Variants in PIK3CA observed in about 807,000 individuals in gnomAD.
PIK3CA encodes phosphatidylinositol-4,5-bisphosphate 3-kinase catalytic subunit alpha.
PIK3CA carries 27 observed loss-of-function variants against 138.2 expected under a neutral mutation model. The ratio of observed to expected loss-of-function variants is 0.20; its 90% CI spans 0.14 to 0.27. PIK3CA has a LOEUF of 0.27. PIK3CA is among the 10% of genes least tolerant of loss of function. PIK3CA has a pLI of 1.00. For synonymous variants in PIK3CA, 358 were observed against 413.2 expected (o/e 0.87, Z 1.62); for missense variants, 544 against 1,277.4 (o/e 0.43, Z 8.75).
At chr3:179,150,557 A>G (rs1560119536) in intron 1 of PIK3CA, among the ~76,000 whole-genome samples, 1 of 152,210 alleles carries the variant, frequency 6.6e-6, no homozygotes, top group Non-Finnish European at 1.5e-5. Context: ...AAATACAAAT[A>G]TTGTACTTAA....
intron 6 of PIK3CA, 129 bp downstream of exon 6, chr3:179,204,717 T>C: frequency 2.0e-6 from 1 of 505,150 alleles, no homozygotes; most frequent in Non-Finnish European, 3.7e-6. Context: ...CAAAAAGTTT[T>C]TCTTAAAAAT....
At chr3:179,203,151 A>G (rs563747061) in intron 4 of PIK3CA, among the ~76,000 whole-genome samples, 58 of 151,902 alleles carry the variant, frequency 3.8e-4, no homozygotes, top group Middle Eastern at 3.4e-3. Context: ...CGTTTTAGCC[A>G]GGATGGTCTC....
intron 17 of PIK3CA, 86 bp downstream of exon 17, chr3:179,226,126 ATG>A: frequency 1.4e-6 from 1 of 705,436 alleles, no homozygotes; most frequent in Admixed American, 2.2e-5. Flanking sequence ...ATAGAGGCAT[ATG>A]TCTAAAAAGA....
At chr3:179,153,015 A>G (rs548638437) in intron 1 of PIK3CA, among the ~76,000 whole-genome samples, 2 of 152,296 alleles carry the variant, frequency 1.3e-5, no homozygotes, top group South Asian at 4.1e-4. Context: ...AAAAAAGGAA[A>G]CAAAATTAAG....
intron 8 of PIK3CA, 30 bp from the exon 9 acceptor site, chr3:179,210,401 A>G (rs1724678413): frequency 1.9e-6 from 3 of 1,606,850 alleles, no homozygotes; most frequent in East Asian, 2.2e-5. Context: ...TCTCTTATGT[A>G]TATATAATAG....
chr3:179,227,858 A>G (rs542981462), intron 17 of PIK3CA, among the ~76,000 whole-genome samples: 2 of 152,114 alleles, frequency 1.3e-5, no homozygotes, highest in South Asian at 2.1e-4. Flanking sequence ...TTAATTTTCT[A>G]TGTGAATAAA....
At chr3:179,189,220 A>G (rs1430619912) in intron 1 of PIK3CA, among the ~76,000 whole-genome samples, 3 of 152,154 alleles carry the variant, frequency 2.0e-5, no homozygotes, top group African/African-American at 7.2e-5. Flanking sequence ...TCTCAAAAAA[A>G]AAGTAAAAAT....
chr3:179,205,392 A>G (rs1724532783), intron 6 of PIK3CA, among the ~76,000 whole-genome samples: 2 of 152,320 alleles, frequency 1.3e-5, no homozygotes, highest in South Asian at 4.1e-4. Context: ...TATCAAAGAG[A>G]GAACAGAGTA....
intron 1 of PIK3CA, among the ~76,000 whole-genome samples, chr3:179,193,256 G>A (rs1382212440): frequency 3.3e-5 from 5 of 152,140 alleles, no homozygotes; most frequent in African/African-American, 9.7e-5. Context: ...TCTGATGATC[G>A]AGGCATCTGT....
intron 1 of PIK3CA, among the ~76,000 whole-genome samples, chr3:179,183,725 T>C (rs1723906500): frequency 6.6e-6 from 1 of 152,138 alleles, no homozygotes. Flanking sequence ...TAGGCTGAGG[T>C]TGTGATGTGG....
chr3:179,161,102 G>A (rs985872185), intron 1 of PIK3CA, among the ~76,000 whole-genome samples: 5 of 152,130 alleles, frequency 3.3e-5, no homozygotes, highest in African/African-American at 1.2e-4. Context: ...AGCAAGAATG[G>A]CACAGGAGGC....
intron 1 of PIK3CA, among the ~76,000 whole-genome samples, chr3:179,158,743 A>G (rs1357525361): frequency 1.3e-5 from 2 of 152,130 alleles, no homozygotes; most frequent in African/African-American, 4.8e-5. Context: ...AAGGAAAGCA[A>G]CCATGTGTTT....
At position 179,219,835 on chromosome 3, in the gene PIK3CA, T is replaced by C. The variant is rs1724925309; in HGVS notation, c.1911+100T>C. The stretch of plus-strand genomic sequence containing the variant: ...AAAAAACCTACTGCACTAACTAGTT[T>C]TATGCTTAAAAAAAAAAATTATTAC... On this transcript the variant is annotated intron_variant, in intron 12 of 20. Transcript: ENST00000263967. This position sits in a 1 kb window ranked among gnomAD's most constrained non-coding sequence, Gnocchi z 4.2. The C allele has an allele frequency of 3.3e-6, 5 of 1,497,934 alleles. No homozygotes were observed. The highest frequency in any genetic ancestry group is 4.5e-6 in the Non-Finnish European group (5 of 1,103,810). The allele number at this position is 1,497,934 out of a possible 1,614,324, so 92.8% of individuals were successfully genotyped here.
rs546649656 is a variant in PIK3CA, at chr3:179,150,842, A to G, written c.-77+2239A>G. ...GTTTACTTTGTGTGCCGCTTCTTAT[A>G]AGTACCCTTTACTGAATAAAGAGTT... On this transcript the variant is annotated intron_variant, in intron 1 of 20. Coordinates refer to ENST00000263967, the MANE Select transcript of PIK3CA (RefSeq NM_006218.4). 1.2e-4 allele frequency among the ~76,000 whole-genome samples: 19 copies of G among 152,374 alleles called. No individual in the cohort carries two copies. The South Asian group carries it at 3.9e-3, about 32-fold the overall frequency.
chr3:179,186,275 T>G (rs1438189477), intron 1 of PIK3CA, among the ~76,000 whole-genome samples: 2 of 152,254 alleles, frequency 1.3e-5, no homozygotes, highest in East Asian at 1.9e-4. Flanking sequence ...CTTAAACTCT[T>G]AATGAACTCA....
In PIK3CA at chr3:179,201,487, G is replaced by C. The variant is rs2108390009; in HGVS notation, c.760G>C (p.Val254Leu). The change falls in exon 4 of 21, where the codon GTG (valine) becomes CTG (leucine). Residue 254 changes from valine (V) to leucine (L), a missense_variant. Transcript: ENST00000263967. ...LEYQGKYILK[V>L]CGCDEYFLEK... The stretch of plus-strand genomic sequence containing the variant: ...ATATCAGGGCAAGTATATTTTAAAA[G>C]TGTGTGGATGTGATGAATACTTCCT... The C allele has an allele frequency of 6.2e-7, 1 of 1,610,700 alleles. No individual in the cohort carries two copies. Among genetic ancestry groups the C allele is most frequent in the Non-Finnish European group, 8.5e-7 (1 of 1,177,008 alleles).
chr3:179,154,615 A>AT (rs1723089368), intron 1 of PIK3CA, among the ~76,000 whole-genome samples: 1 of 152,152 alleles, frequency 6.6e-6, no homozygotes, highest in Admixed American at 6.5e-5. Context: ...ATTGTAACAC[A>AT]TTTTTGTGTC....
At chr3:179,178,627 C>T (rs1258852949) in intron 1 of PIK3CA, among the ~76,000 whole-genome samples, 1 of 152,124 alleles carries the variant, frequency 6.6e-6, no homozygotes, top group African/African-American at 2.4e-5. Context: ...AGGAGGTTCC[C>T]AGAATCATCC....
At chr3:179,228,141 C>A (rs1324628934) in intron 17 of PIK3CA, among the ~76,000 whole-genome samples, 1 of 151,958 alleles carries the variant, frequency 6.6e-6, no homozygotes, top group Non-Finnish European at 1.5e-5. Context: ...AAACTTGCAA[C>A]AAAAATTTCA....
Sources: allele counts gnomAD v4.1 joint callset (sites outside exome capture counted in the v4.1 genomes callset), GRCh38; gene constraint gnomAD v4.1.1; non-coding constraint Gnocchi (gnomAD v3.1); transcripts MANE v1.5; gene names NCBI Gene and HGNC (gene_info 2026-07-23, HGNC 2026-07-21).